Variants in FUT8 observed in about 807,000 individuals in gnomAD.
FUT8 encodes the protein alpha-(1,6)-fucosyltransferase.
FUT8 carries 29 observed loss-of-function variants against 71.3 expected under a neutral mutation model. The observed-to-expected ratio is 0.41, with a 90% CI of 0.30 to 0.55. The LOEUF is 0.55. Ranked by LOEUF, FUT8 falls within the 20% of genes least tolerant of loss-of-function variation. The pLI is 0.34. For missense variants in FUT8, 544 were observed against 702.1 expected (o/e 0.77, Z 2.55); for synonymous variants, 254 against 239.3 (o/e 1.06, Z -0.57).
intron 6 of FUT8, among the ~76,000 whole-genome samples, chr14:65,650,024 C>CCT (rs1891288988): frequency 6.6e-6 from 1 of 152,088 alleles, no homozygotes. Flanking sequence ...TGGCTGGGTG[C>CCT]GGTGGCTCAC....
chr14:65,411,143 G>T (rs181019393), upstream of FUT8: 72 of 152,332 alleles, frequency 4.7e-4, 1 homozygote, highest in East Asian at 0.013. Context: ...GAAATCTCAT[G>T]GGAGAGAGCA....
chr14:65,451,149 C>T (rs1016559241), intron 1 of FUT8, among the ~76,000 whole-genome samples: 3 of 152,198 alleles, frequency 2.0e-5, no homozygotes, highest in African/African-American at 7.2e-5. Context: ...AGCCACTGCG[C>T]CTTGCCCCAG....
chr14:65,675,703 A>C (rs1167519391), intron 7 of FUT8, among the ~76,000 whole-genome samples: 1 of 152,134 alleles, frequency 6.6e-6, no homozygotes, highest in African/African-American at 2.4e-5. Flanking sequence ...AGATGTAATA[A>C]GAGAGGCCGG....
intron 2 of FUT8, among the ~76,000 whole-genome samples, chr14:65,554,606 T>C (rs73284201): frequency 0.079 from 12,000 of 151,968 alleles, 912 homozygotes; most frequent in East Asian, 0.19. Context: ...GGGGCAGAGA[T>C]TGAGTCAGTC....
At chr14:65,637,482 T>C (rs978977796) in intron 6 of FUT8, among the ~76,000 whole-genome samples, 1 of 152,208 alleles carries the variant, frequency 6.6e-6, no homozygotes. Context: ...GTCTCTGATA[T>C]ACGAAAATGG....
At chr14:65,657,215 A>G (rs1293840304) in intron 6 of FUT8, among the ~76,000 whole-genome samples, 1 of 152,202 alleles carries the variant, frequency 6.6e-6, no homozygotes, top group Non-Finnish European at 1.5e-5. Flanking sequence ...CAAAGTGAAG[A>G]GGCAACACAC....
At chr14:65,586,866 C>T (rs1003216221) in intron 3 of FUT8, among the ~76,000 whole-genome samples, 1 of 152,142 alleles carries the variant, frequency 6.6e-6, no homozygotes, top group Non-Finnish European at 1.5e-5. Flanking sequence ...GGGTTTTCCC[C>T]CCTACACGTT....
At chr14:65,495,985 C>T (rs1396248146) in intron 2 of FUT8, among the ~76,000 whole-genome samples, 1 of 151,814 alleles carries the variant, frequency 6.6e-6, no homozygotes, top group East Asian at 1.9e-4. Flanking sequence ...TAAATTTAGA[C>T]ACAAAAAATT....
chr14:65,494,676 T>C (rs2066533033), intron 2 of FUT8, among the ~76,000 whole-genome samples: 1 of 152,106 alleles, frequency 6.6e-6, no homozygotes, highest in Non-Finnish European at 1.5e-5. Context: ...ACATGTGCCA[T>C]GGTGGTTTGC....
At chr14:65,673,806 G>C (rs1474210055) in intron 7 of FUT8, among the ~76,000 whole-genome samples, 1 of 152,058 alleles carries the variant, frequency 6.6e-6, no homozygotes, top group Non-Finnish European at 1.5e-5. Context: ...TTTGATTTTG[G>C]TTTAGAGAGT....
intron 2 of FUT8, among the ~76,000 whole-genome samples, chr14:65,546,072 ACTTTCT>A (rs1249905045): frequency 2.0e-5 from 3 of 151,836 alleles, no homozygotes; most frequent in Non-Finnish European, 4.4e-5. Context: ...GGTAATTTAA[ACTTTCT>A]CTTAAAATTT....
chr14:65,363,373 G>A, the FUT8 span, among the ~76,000 whole-genome samples: 2 of 151,766 alleles, frequency 1.3e-5, no homozygotes, highest in Non-Finnish European at 2.9e-5. Context: ...CACTGGCCTC[G>A]GCCTCTCAAA....
intron 2 of FUT8, among the ~76,000 whole-genome samples, chr14:65,475,314 C>T (rs1172335574): frequency 6.6e-6 from 1 of 152,022 alleles, no homozygotes; most frequent in Non-Finnish European, 1.5e-5. Context: ...ATAAAAATTC[C>T]ACATGTCATA....
At chr14:65,664,519 C>CT (rs1318724845) in intron 6 of FUT8, among the ~76,000 whole-genome samples, 2 of 152,120 alleles carry the variant, frequency 1.3e-5, no homozygotes, top group Admixed American at 1.3e-4. Flanking sequence ...CAAAAAGGCT[C>CT]TTAACTCTTC....
chr14:65,733,828 A>T (rs1896093413), intron 10 of FUT8, among the ~76,000 whole-genome samples: 1 of 152,204 alleles, frequency 6.6e-6, no homozygotes. Flanking sequence ...AAAGAGAGTA[A>T]ATGTAATTCC....
At position 65,643,747 on chromosome 14, in the gene FUT8, C is replaced by T. The variant is rs1464945551; in HGVS notation, c.597+14141C>T. ...CCATTCTAGATGCTATTCCTTAACT[C>T]ATTTAATCCTTGAGAGTAGCAACAC... On this transcript the variant is annotated intron_variant, in intron 6 of 10. Transcript: ENST00000673929. The surrounding 1 kb of genome is among the most constrained non-coding windows in gnomAD (Gnocchi z 4.5). Among the ~76,000 whole-genome samples, 2 of 150,152 alleles carry T rather than the reference C, an allele frequency of 1.3e-5. No individual in the cohort carries two copies. The highest frequency in any genetic ancestry group is 6.6e-5 in the Admixed American group (1 of 15,050).
chr14:65,404,112 C>T, the FUT8 span, among the ~76,000 whole-genome samples: 4 of 151,966 alleles, frequency 2.6e-5, no homozygotes, highest in African/African-American at 9.7e-5. Flanking sequence ...GTGATCCACC[C>T]GCCTTAGCCT....
chr14:65,455,847 T>A (rs1001778458), intron 2 of FUT8, 129 bp downstream of exon 2: 11 of 392,098 alleles, frequency 2.8e-5, no homozygotes, highest in African/African-American at 2.3e-4. Flanking sequence ...CAGTCTAAAC[T>A]CTGTTGAATT....
intron 7 of FUT8, among the ~76,000 whole-genome samples, chr14:65,687,223 C>G (rs1411290420): frequency 6.6e-6 from 1 of 151,930 alleles, no homozygotes; most frequent in Non-Finnish European, 1.5e-5. Flanking sequence ...ATAATTTTAC[C>G]AGTTACTAGG....
Sources: gnomAD v4.1 joint callset for allele counts (sites outside exome capture counted in the v4.1 genomes callset) on GRCh38, gnomAD v4.1.1 for gene constraint, Gnocchi (gnomAD v3.1) non-coding constraint, MANE v1.5 for transcripts, NCBI Gene and HGNC (gene_info 2026-07-23, HGNC 2026-07-21) for gene names.